Variants in GAL3ST4 observed in about 807,000 individuals in gnomAD.
GAL3ST4 encodes the protein galactose-3-O-sulfotransferase 4, also known as beta-galactose-3-O-sulfotransferase 4.
GAL3ST4 carries 30 observed loss-of-function variants against 31.6 expected under a neutral mutation model. The ratio of observed to expected loss-of-function variants is 0.95; its 90% CI spans 0.71 to 1.29. GAL3ST4 has a LOEUF of 1.29. GAL3ST4 is among the 50% of genes most tolerant of loss of function. The probability of loss-of-function intolerance (pLI) is 0.00; values close to 1 mark genes in which losing one functional copy is unlikely to be tolerated. For synonymous variants in GAL3ST4, 248 were observed against 256.9 expected (o/e 0.97, Z 0.33); for missense variants, 629 against 625.2 (o/e 1.01, Z -0.06).
At chr7:100,161,673 T>G (rs1339018522) in intron 3 of GAL3ST4, among the ~76,000 whole-genome samples, 2 of 134,682 alleles carry the variant, frequency 1.5e-5, no homozygotes, top group Non-Finnish European at 3.2e-5. Flanking sequence ...AAAAAAAAAC[T>G]AAAAAAGTTA....
chr7:100,160,032 G>GCT lies in GAL3ST4; in HGVS notation c.1355_1356dup (p.Arg453SerfsTer3). 6.2e-7 allele frequency: 1 copy of GCT among 1,614,052 alleles called. No individual in the cohort carries two copies. The highest frequency in any genetic ancestry group is 2.2e-5 in the East Asian group (1 of 44,880). On this transcript the variant is annotated frameshift_variant, in exon 4 of 4. Coordinates refer to ENST00000360039, the MANE Select transcript of GAL3ST4 (RefSeq NM_024637.5). LOFTEE classifies it high-confidence loss of function. ...TACTGGAGCTCAGGGGTAGCTAGGCGCTCACATTCCTCTTGGTCTTGGGGG... is the reference window on the plus strand; with the variant it reads ...TACTGGAGCTCAGGGGTAGCTAGGCGCTCTCACATTCCTCTTGGTCTTGGGGG...
intron 3 of GAL3ST4, among the ~76,000 whole-genome samples, chr7:100,162,502 G>A (rs1312629125): frequency 6.8e-6 from 1 of 147,604 alleles, no homozygotes; most frequent in East Asian, 2.0e-4. Flanking sequence ...CCGAGATCGC[G>A]CCACTGCACT....
intron 3 of GAL3ST4, 95 bp from the exon 4 acceptor site, chr7:100,161,054 A>C (rs1798997327): frequency 1.9e-6 from 2 of 1,072,300 alleles, no homozygotes; most frequent in South Asian, 3.4e-5. Flanking sequence ...CAGCCTCCTG[A>C]AACCTCCTCC....
chr7:100,165,778 A>G lies in GAL3ST4; in HGVS notation c.429+724T>C, dbSNP rs564013191. Reference sequence around the variant, plus strand: ...TGAGGTTACAGTGAGCTATAATTGTACCACTGCATTCCAGCCTGGATGACA... The same window carrying G: ...TGAGGTTACAGTGAGCTATAATTGTGCCACTGCATTCCAGCCTGGATGACA... On this transcript the variant is annotated intron_variant, in intron 3 of 3. Coordinates refer to ENST00000360039, the MANE Select transcript of GAL3ST4 (RefSeq NM_024637.5). Among the ~76,000 whole-genome samples, 9 of 148,664 alleles carry G rather than the reference A, an allele frequency of 6.1e-5. No individual in the cohort carries two copies. The East Asian group carries it at 1.0e-3, about 17-fold the overall frequency.
Position 100,160,680 on chromosome 7 carries a change from G to A in GAL3ST4, c.709C>T (p.Pro237Ser). The change falls in exon 4 of 4, where the codon CCC becomes TCC. Residue 237 changes from proline to serine, a missense_variant. Pro to Ser is a moderately conservative substitution (Grantham distance 74). Transcript: ENST00000360039. ...GNIHPPRDPN[P>S]PQLQVLPSGA... ...GAAGGCAAGACCTGCAGCTGTGGGGGGTTGGGGTCTCTGGGGGGATGAATA... is the reference window on the plus strand; with the variant it reads ...GAAGGCAAGACCTGCAGCTGTGGGGAGTTGGGGTCTCTGGGGGGATGAATA... 1.2e-6 allele frequency: 2 copies of A among 1,613,880 alleles called. No homozygotes were observed. Among genetic ancestry groups the A allele is most frequent in the Non-Finnish European group, 8.5e-7 (1 of 1,180,032 alleles).
chr7:100,163,968 T>G (rs1366486191), intron 3 of GAL3ST4, among the ~76,000 whole-genome samples: 1 of 152,210 alleles, frequency 6.6e-6, no homozygotes, highest in Non-Finnish European at 1.5e-5. Flanking sequence ...AGAGCCATCA[T>G]TCCTCCATCT....
chr7:100,166,390 C>T, intron 3 of GAL3ST4, 112 bp downstream of exon 3: 1 of 1,189,072 alleles, frequency 8.4e-7, no homozygotes, highest in Non-Finnish European at 1.2e-6. Flanking sequence ...CTATGTCCAA[C>T]TTTAGGGTGA....
chr7:100,167,168 C>G lies in GAL3ST4; in HGVS notation c.-73G>C, dbSNP rs760426319. ...GAAGAGGGGCAGAGACAGCTGGAGA[C>G]AGCCGTGCAGCTGCGGAAGGCACTG... On this transcript the variant is annotated 5_prime_UTR_variant, in exon 2 of 4. Coordinates refer to ENST00000360039, the MANE Select transcript of GAL3ST4 (RefSeq NM_024637.5). 1.3e-6 allele frequency: 2 copies of G among 1,550,834 alleles called. No homozygotes were observed. The highest frequency in any genetic ancestry group is 2.4e-5 in the South Asian group (2 of 83,998).
chr7:100,159,505 C>T lies in GAL3ST4; in HGVS notation c.*423G>A, dbSNP rs887375515. On this transcript the variant is annotated 3_prime_UTR_variant, in exon 4 of 4. Coordinates refer to ENST00000360039, the MANE Select transcript of GAL3ST4 (RefSeq NM_024637.5). ...TGGGAGGCAGAGTCATGTGGATCAC[C>T]TGAGGTGAGGAGTTCAAGACCAGCC... 1.8e-5 allele frequency: 3 copies of T among 162,424 alleles called. No individual in the cohort carries two copies. The highest frequency in any genetic ancestry group is 7.2e-5 in the African/African-American group (3 of 41,488). 10.1% of individuals were successfully genotyped at this position (162,424 alleles called of 1,614,324 possible).
At position 100,160,207 on chromosome 7, in the gene GAL3ST4, G is replaced by A. The variant is rs138915937; in HGVS notation, c.1182C>T (p.Ala394=). 1.5e-4 allele frequency: 246 copies of A among 1,614,108 alleles called. No homozygotes were observed. Among genetic ancestry groups the A allele is most frequent in the Non-Finnish European group, 1.7e-4 (197 of 1,180,034 alleles). Residue 394 remains alanine, a synonymous_variant, in exon 4 of 4, where the codon GCC becomes GCT. Transcript: ENST00000360039. ...GGGCCTCTCGGCGAGCCCGGAGCTC[G>A]GCCACAGCTGTCTGCAGCCGGCCCT... is the stretch of plus-strand genomic sequence containing the variant. ...YGQGRLQTAV[A]ELRARREALA... is the part of the protein sequence containing the mutation.
Position 100,168,029 on chromosome 7 carries a change from CACA to C in GAL3ST4, c.-189+514_-189+516del, listed in dbSNP as rs1398877799. ...AGACACACACACACACACACACACA[CACA>C]GAGAAACAGAGAGAGAGAGACAGAG... On this transcript the variant is annotated intron_variant, in intron 1 of 3. Transcript: ENST00000360039. The surrounding 1 kb of genome is among the most constrained non-coding windows in gnomAD (Gnocchi z 4.1). The C allele has an allele frequency of 1.4e-5, 2 of 143,502 alleles. No homozygotes were observed. Among genetic ancestry groups the C allele is most frequent in the African/African-American group, 4.9e-5 (2 of 40,848 alleles). The allele number at this position is 143,502 out of a possible 1,614,324, so 8.9% of individuals were successfully genotyped here.
chr7:100,165,173 CT>C (rs948502723), intron 3 of GAL3ST4, among the ~76,000 whole-genome samples: 1 of 149,506 alleles, frequency 6.7e-6, no homozygotes, highest in African/African-American at 2.5e-5. Context: ...TGCGCCCGGC[CT>C]TTTTTTTCTT....
Position 100,159,870 on chromosome 7 carries a change from T to C in GAL3ST4, c.*58A>G. Reference sequence around the variant, plus strand: ...GAAATGGCATCTTGCTGCCCCCCACTCATCACATGTGCCCTTCAAACATGG... The same window carrying C: ...GAAATGGCATCTTGCTGCCCCCCACCCATCACATGTGCCCTTCAAACATGG... On this transcript the variant is annotated 3_prime_UTR_variant, in exon 4 of 4. Transcript: ENST00000360039. 1 of 1,389,444 alleles carries C rather than the reference T, an allele frequency of 7.2e-7. No individual in the cohort carries two copies. The highest frequency in any genetic ancestry group is 9.9e-7 in the Non-Finnish European group (1 of 1,009,396). The allele number at this position is 1,389,444 out of a possible 1,614,324, so 86.1% of individuals were successfully genotyped here.
Position 100,159,835 on chromosome 7 carries a change from G to T in GAL3ST4, c.*93C>A. 9.2e-7 allele frequency: 1 copy of T among 1,083,930 alleles called. No homozygotes were observed. 67.1% of individuals were successfully genotyped at this position (1,083,930 alleles called of 1,614,324 possible). ...ATCGGGACAAAGACTCATCCCTTCT[G>T]GGAGATGCAGAAATGGCATCTTGCT... On this transcript the variant is annotated 3_prime_UTR_variant, in exon 4 of 4. Coordinates refer to ENST00000360039, the MANE Select transcript of GAL3ST4 (RefSeq NM_024637.5).
At position 100,160,078 on chromosome 7, in the gene GAL3ST4, A is replaced by G. The variant is rs113124394; in HGVS notation, c.1311T>C (p.Tyr437=). The G allele has an allele frequency of 4.0e-5, 64 of 1,614,160 alleles. 1 individual carries two copies. The highest frequency in any genetic ancestry group is 3.6e-4 in the African/African-American group (27 of 75,034). The change falls in exon 4 of 4, where the codon TAT becomes TAC. Residue 437 remains tyrosine (Y), a synonymous_variant. Transcript: ENST00000360039. ...GGGGGCTCAATCCACTCCGAAGTAT[A>G]TAGCCCAAAACCTTAGCTGACCCAA... ...FQFGSAKVLG[Y]ILRSGLSPQD...
chr7:100,163,097 G>A (rs764184775), intron 3 of GAL3ST4, among the ~76,000 whole-genome samples: 2 of 152,152 alleles, frequency 1.3e-5, no homozygotes, highest in Admixed American at 1.3e-4. Flanking sequence ...ATGCCATCTC[G>A]GGCATAGGCA....
chr7:100,165,160 C>T (rs1159854329), intron 3 of GAL3ST4, among the ~76,000 whole-genome samples: 1 of 151,574 alleles, frequency 6.6e-6, no homozygotes, highest in African/African-American at 2.4e-5. Flanking sequence ...AGGCGTGAGC[C>T]ACTGCGCCCG....
chr7:100,160,465 A>G lies in GAL3ST4; in HGVS notation c.924T>C (p.Asp308=), dbSNP rs201735289. The change falls in exon 4 of 4, where the codon GAT becomes GAC. Residue 308 remains aspartate, a synonymous_variant. Transcript: ENST00000360039. ...CATCTGCCAGCAGAACCAATGACTC[A>G]TCGAAGTACTCAGCCACCATGACCA... is the stretch of plus-strand genomic sequence containing the variant. ...FDLVMVAEYF[D]ESLVLLADAL... 41 of 1,614,122 alleles carry G rather than the reference A, an allele frequency of 2.5e-5. 1 individual carries two copies. Among genetic ancestry groups the G allele is most frequent in the Admixed American group, 1.2e-4 (7 of 60,020 alleles).
Position 100,159,875 on chromosome 7 carries a change from A to G in GAL3ST4, c.*53T>C. On this transcript the variant is annotated 3_prime_UTR_variant, in exon 4 of 4. Coordinates refer to ENST00000360039, the MANE Select transcript of GAL3ST4 (RefSeq NM_024637.5). ...GGCATCTTGCTGCCCCCCACTCATC[A>G]CATGTGCCCTTCAAACATGGCTGCT... The G allele has an allele frequency of 7.0e-7, 1 of 1,434,262 alleles. No individual in the cohort carries two copies. Among genetic ancestry groups the G allele is most frequent in the African/African-American group, 1.4e-5 (1 of 70,542 alleles). The allele number at this position is 1,434,262 out of a possible 1,614,324, so 88.8% of individuals were successfully genotyped here.
Sources: allele counts gnomAD v4.1 joint callset (sites outside exome capture counted in the v4.1 genomes callset), GRCh38; gene constraint gnomAD v4.1.1; non-coding constraint Gnocchi (gnomAD v3.1); transcripts MANE v1.5; gene names NCBI Gene and HGNC (gene_info 2026-07-23, HGNC 2026-07-21).